Variants in TSHZ2 observed in about 807,000 individuals in gnomAD.
The protein encoded by TSHZ2 is teashirt homolog 2.
Under a neutral mutation model 74.4 loss-of-function variants are expected in TSHZ2, and 21 were observed. That is an observed-to-expected ratio of 0.28 (90% CI 0.20 to 0.41). The LOEUF is 0.41. Ranked by LOEUF, TSHZ2 falls within the 10% of genes least tolerant of loss-of-function variation. The probability of loss-of-function intolerance (pLI) is 1.00; values close to 1 mark genes in which losing one functional copy is unlikely to be tolerated. For synonymous variants in TSHZ2, 540 were observed against 515.3 expected, an observed-to-expected ratio of 1.05 and a Z score of -0.65; for missense variants, 1,244 against 1,293.5, an observed-to-expected ratio of 0.96 and a Z score of 0.59.
intron 1 of TSHZ2, among the ~76,000 whole-genome samples, chr20:53,019,045 T>A (rs1301045240): frequency 1.3e-5 from 2 of 152,084 alleles, no homozygotes; most frequent in East Asian, 3.8e-4. Context: ...ATCTAAACAT[T>A]GGGAGAAAAA....
intron 1 of TSHZ2, among the ~76,000 whole-genome samples, chr20:53,229,936 AAAAGAGAGGAAGGAAG>A (rs1568824562): frequency 6.6e-6 from 1 of 151,370 alleles, no homozygotes; most frequent in African/African-American, 2.4e-5. Flanking sequence ...GAAGAGAAAG[AAAAGAGAGGAAGGAAG>A]AAAGAGAAAG....
At chr20:53,212,724 C>T (rs1426759786) in intron 1 of TSHZ2, among the ~76,000 whole-genome samples, 3 of 152,270 alleles carry the variant, frequency 2.0e-5, no homozygotes, top group East Asian at 1.9e-4. Context: ...GCTTCATTTA[C>T]AAAAGATTCT....
At chr20:52,993,233 C>T (rs1419063434) in intron 1 of TSHZ2, among the ~76,000 whole-genome samples, 1 of 152,072 alleles carries the variant, frequency 6.6e-6, no homozygotes, top group Non-Finnish European at 1.5e-5. Context: ...AATGGGGAGA[C>T]TGACCTGGAG....
intron 2 of TSHZ2, among the ~76,000 whole-genome samples, chr20:53,424,098 C>G (rs1983577309): frequency 6.6e-6 from 1 of 152,234 alleles, no homozygotes; most frequent in African/African-American, 2.4e-5. Context: ...TTTTGCTTCC[C>G]TAACTGAGGG....
At chr20:53,136,589 CA>C (rs1327219267) in intron 1 of TSHZ2, among the ~76,000 whole-genome samples, 1 of 152,142 alleles carries the variant, frequency 6.6e-6, no homozygotes, top group Non-Finnish European at 1.5e-5. Flanking sequence ...CCTGTAACAT[CA>C]AAGTAGTTAG....
At chr20:53,362,107 A>G (rs1600830481) in intron 2 of TSHZ2, among the ~76,000 whole-genome samples, 1 of 151,064 alleles carries the variant, frequency 6.6e-6, no homozygotes, top group African/African-American at 2.4e-5. Flanking sequence ...CAGGTGATCC[A>G]CCACCCGCCT....
chr20:53,286,813 C>A (rs1991175685), intron 2 of TSHZ2, among the ~76,000 whole-genome samples: 1 of 151,744 alleles, frequency 6.6e-6, no homozygotes, highest in Non-Finnish European at 1.5e-5. Context: ...CCCAGGAGTT[C>A]AAGGCTGCAG....
At chr20:53,348,228 C>T (rs1359078709) in intron 2 of TSHZ2, among the ~76,000 whole-genome samples, 1 of 152,090 alleles carries the variant, frequency 6.6e-6, no homozygotes, top group Admixed American at 6.6e-5. Context: ...TTTGCAATAG[C>T]CAAAAGGTGT....
chr20:53,089,521 T>C (rs1448230665), intron 1 of TSHZ2, among the ~76,000 whole-genome samples: 1 of 152,164 alleles, frequency 6.6e-6, no homozygotes, highest in Non-Finnish European at 1.5e-5. Context: ...TGCCAGGCAC[T>C]GTACTTGGCA....
At chr20:53,002,247 C>T (rs1242695271) in intron 1 of TSHZ2, among the ~76,000 whole-genome samples, 1 of 152,222 alleles carries the variant, frequency 6.6e-6, no homozygotes, top group East Asian at 1.9e-4. Flanking sequence ...CAAGCTTCTG[C>T]AGCTGCTTAG....
At chr20:53,348,088 T>C in intron 2 of TSHZ2, among the ~76,000 whole-genome samples, 1 of 152,182 alleles carries the variant, frequency 6.6e-6, no homozygotes, top group East Asian at 1.9e-4. Context: ...TTGTGTCTGG[T>C]GGTTCCTCAA....
chr20:53,055,002 A>G (rs1203072521), intron 1 of TSHZ2, among the ~76,000 whole-genome samples: 2 of 152,224 alleles, frequency 1.3e-5, no homozygotes, highest in Non-Finnish European at 2.9e-5. Context: ...ATCCAGATTT[A>G]TATGTCAAAT....
intron 1 of TSHZ2, among the ~76,000 whole-genome samples, chr20:53,012,821 C>A (rs1003367542): frequency 6.6e-6 from 1 of 152,160 alleles, no homozygotes. Context: ...CTCTCTGTCC[C>A]TCGCACCTGC....
At chr20:53,112,577 G>A (rs1986563712) in intron 1 of TSHZ2, among the ~76,000 whole-genome samples, 4 of 152,146 alleles carry the variant, frequency 2.6e-5, no homozygotes, top group Admixed American at 2.6e-4. Context: ...TGCCCAGGCT[G>A]GAGTGCAGTG....
At chr20:53,301,539 G>A (rs1044362342) in intron 2 of TSHZ2, among the ~76,000 whole-genome samples, 9 of 152,180 alleles carry the variant, frequency 5.9e-5, no homozygotes, top group African/African-American at 2.2e-4. Context: ...GTTGGTGTCT[G>A]CCCATCCCCT....
chr20:53,304,508 C>CA (rs1024489881), intron 2 of TSHZ2, among the ~76,000 whole-genome samples: 5 of 151,962 alleles, frequency 3.3e-5, no homozygotes, highest in Admixed American at 6.5e-5. Flanking sequence ...ACAACAACAG[C>CA]AAAAAAAGCA....
chr20:53,151,063 A>G (rs577107241), intron 1 of TSHZ2, among the ~76,000 whole-genome samples: 28 of 152,334 alleles, frequency 1.8e-4, no homozygotes, highest in African/African-American at 4.6e-4. Context: ...TAGAGCATCA[A>G]TGTATTTAAG....
At chr20:53,186,654 G>A (rs1211542276) in intron 1 of TSHZ2, among the ~76,000 whole-genome samples, 1 of 152,120 alleles carries the variant, frequency 6.6e-6, no homozygotes, top group Non-Finnish European at 1.5e-5. Flanking sequence ...CTTTTCACCT[G>A]CCTGCAGGCA....
chr20:53,352,791 A>AG (rs1247825267), intron 2 of TSHZ2, among the ~76,000 whole-genome samples: 1 of 139,396 alleles, frequency 7.2e-6, no homozygotes, highest in Non-Finnish European at 1.6e-5. Context: ...AAAAAAAAAA[A>AG]AAAGAAAGAA....
Sources: allele counts gnomAD v4.1 joint callset (sites outside exome capture counted in the v4.1 genomes callset), GRCh38; gene constraint gnomAD v4.1.1; transcripts MANE v1.5; gene names NCBI Gene and HGNC (gene_info 2026-07-23, HGNC 2026-07-21).